Variants in OXR1 observed in about 807,000 individuals in gnomAD.
OXR1 encodes the protein oxidation resistance 1.
A neutral mutation model predicts 104.6 loss-of-function variants in OXR1; 41 were observed. That is an observed-to-expected ratio of 0.39 (90% confidence interval 0.31 to 0.51). The LOEUF is 0.51. OXR1 is among the 20% of genes least tolerant of loss of function. OXR1 has a pLI of 0.77. For synonymous variants in OXR1, 348 were observed against 348.4 expected, an observed-to-expected ratio of 1.00 and a Z score of 0.01; for missense variants, 955 against 1,031.9, an observed-to-expected ratio of 0.93 and a Z score of 1.02.
intron 2 of OXR1, among the ~76,000 whole-genome samples, chr8:106,377,115 T>C (rs1816938471): frequency 6.6e-6 from 1 of 152,194 alleles, no homozygotes; most frequent in Non-Finnish European, 1.5e-5. Flanking sequence ...AGTCAAATTA[T>C]TTTGGAAAAC....
chr8:106,595,775 G>A (rs1384456253), intron 3 of OXR1, among the ~76,000 whole-genome samples: 1 of 152,004 alleles, frequency 6.6e-6, no homozygotes, highest in African/African-American at 2.4e-5. Context: ...TTTGTGCCAG[G>A]TAAAACTCCT....
At chr8:106,451,760 A>G (rs1820325693) in intron 2 of OXR1, among the ~76,000 whole-genome samples, 1 of 152,232 alleles carries the variant, frequency 6.6e-6, no homozygotes, top group African/African-American at 2.4e-5. Flanking sequence ...AATTTGGTTC[A>G]ACATACATTT....
intron 3 of OXR1, among the ~76,000 whole-genome samples, chr8:106,535,112 G>A (rs1047019614): frequency 2.0e-4 from 30 of 152,124 alleles, no homozygotes; most frequent in African/African-American, 7.0e-4. Flanking sequence ...ACAGGCACCC[G>A]CCACCACACC....
rs1335489422 is a variant in OXR1 at position 106,751,743 on chromosome 8, C to G, written c.*802C>G. ...GCTTAGTAAGGCATTAACATAAGTA[C>G]AAAAACTATGAAACAGATGCATATT... is the stretch of plus-strand genomic sequence containing the variant. On this transcript the variant is annotated 3_prime_UTR_variant, in exon 17 of 17. Coordinates refer to ENST00000517566, the MANE Select transcript of OXR1 (RefSeq NM_001198533.2). 6.6e-6 allele frequency: 1 copy of G among 152,420 alleles called. No individual in the cohort carries two copies. Among genetic ancestry groups the G allele is most frequent in the Non-Finnish European group, 1.5e-5 (1 of 67,932 alleles). 9.4% of individuals were successfully genotyped at this position (152,420 alleles called of 1,614,324 possible).
intron 3 of OXR1, among the ~76,000 whole-genome samples, chr8:106,675,479 G>A (rs1030027945): frequency 7.2e-5 from 11 of 152,148 alleles, no homozygotes; most frequent in Non-Finnish European, 1.6e-4. Context: ...CTGTGTCCCA[G>A]AGATTCTGGT....
intron 2 of OXR1, among the ~76,000 whole-genome samples, chr8:106,510,528 A>C (rs532075365): frequency 6.6e-6 from 1 of 152,358 alleles, no homozygotes; most frequent in South Asian, 2.1e-4. Flanking sequence ...AGCATTTATT[A>C]AACTCTGAAG....
intron 4 of OXR1, among the ~76,000 whole-genome samples, chr8:106,680,485 C>T (rs978793484): frequency 1.1e-4 from 17 of 152,020 alleles, no homozygotes; most frequent in Non-Finnish European, 2.4e-4. Flanking sequence ...ATTTTCTCCT[C>T]CTTCCTCTAT....
At chr8:106,578,125 A>G (rs549564662) in intron 3 of OXR1, among the ~76,000 whole-genome samples, 1 of 152,310 alleles carries the variant, frequency 6.6e-6, no homozygotes, top group African/African-American at 2.4e-5. Flanking sequence ...AACATTTAGT[A>G]TAAGTATGTT....
chr8:106,593,935 T>TCTCA (rs1334945774), intron 3 of OXR1, among the ~76,000 whole-genome samples: 7 of 152,142 alleles, frequency 4.6e-5, no homozygotes, highest in South Asian at 2.1e-4. Flanking sequence ...AGCCACCATA[T>TCTCA]CTCAATTGCT....
intron 1 of OXR1, among the ~76,000 whole-genome samples, chr8:106,349,511 G>A (rs544572236): frequency 1.2e-4 from 18 of 152,138 alleles, no homozygotes; most frequent in African/African-American, 3.9e-4. Context: ...AAACAGAAAC[G>A]AAAACAACCT....
At chr8:106,477,498 A>G (rs1821871464) in intron 2 of OXR1, among the ~76,000 whole-genome samples, 2 of 152,130 alleles carry the variant, frequency 1.3e-5, no homozygotes, top group South Asian at 4.1e-4. Flanking sequence ...GGCTCTGTGT[A>G]GGGTCTTCAA....
At chr8:106,597,710 A>G (rs1298352025) in intron 3 of OXR1, among the ~76,000 whole-genome samples, 1 of 152,214 alleles carries the variant, frequency 6.6e-6, no homozygotes, top group East Asian at 1.9e-4. Flanking sequence ...GATGAAGCTT[A>G]CAGGTTTGCT....
intron 3 of OXR1, among the ~76,000 whole-genome samples, chr8:106,562,345 T>C (rs1055289649): frequency 6.6e-6 from 1 of 151,774 alleles, no homozygotes; most frequent in African/African-American, 2.4e-5. Context: ...AATAGCCAAA[T>C]TGATCAAGCT....
chr8:106,425,083 G>GT (rs748444311), intron 2 of OXR1, among the ~76,000 whole-genome samples: 2,485 of 83,688 alleles, frequency 0.03, 142 homozygotes, highest in Non-Finnish European at 0.038. Context: ...GTTTGGTTTG[G>GT]TTTTTTTTTT....
rs1587292928 is a variant in OXR1 at position 106,737,286 on chromosome 8, A to G, written c.1957-234A>G. ...AAGTTGAATCTATATGGAATAGTCC[A>G]TAAAATAAACCTTACATACCAACTA... On this transcript the variant is annotated intron_variant, in intron 11 of 16. Coordinates refer to ENST00000517566, the MANE Select transcript of OXR1 (RefSeq NM_001198533.2). Among the ~76,000 whole-genome samples the G allele has an allele frequency of 2.0e-5, 3 of 152,286 alleles. No individual in the cohort carries two copies. In the South Asian group the frequency reaches 6.2e-4, roughly 32 times the overall value.
chr8:106,671,044 C>CAAAAAAAAAAAAAAAAAAAAAAAAAAAAA (rs60404483), intron 3 of OXR1, among the ~76,000 whole-genome samples: 4 of 48,926 alleles, frequency 8.2e-5, no homozygotes, highest in African/African-American at 2.5e-4. Flanking sequence ...GACTCTGTCT[C>CAAAAAAAAAAAAAAAAAAAAAAAAAAAAA]AAAAAAAAAA....
chr8:106,339,508 AAAAAAAAAAAAATATATAT>A (rs1244255060), intron 1 of OXR1, among the ~76,000 whole-genome samples: 5 of 48,132 alleles, frequency 1.0e-4, no homozygotes, highest in Non-Finnish European at 1.6e-4. Flanking sequence ...AAAAAAAAAA[AAAAAAAAAAAAATATATAT>A]ATATATATAT....
intron 11 of OXR1, among the ~76,000 whole-genome samples, chr8:106,730,750 T>G (rs1453010036): frequency 6.6e-6 from 1 of 152,104 alleles, no homozygotes; most frequent in East Asian, 1.9e-4. Context: ...GTAACATGAT[T>G]ACTGTATCCT....
intron 1 of OXR1, among the ~76,000 whole-genome samples, chr8:106,273,244 G>GA (rs34496444): frequency 0.047 from 6,017 of 129,358 alleles, 367 homozygotes; most frequent in African/African-American, 0.15. Context: ...TCATTACAAA[G>GA]AAAAAAAAAA....
Sources: allele counts gnomAD v4.1 joint callset (sites outside exome capture counted in the v4.1 genomes callset), GRCh38; gene constraint gnomAD v4.1.1; transcripts MANE v1.5; gene names NCBI Gene and HGNC (gene_info 2026-07-23, HGNC 2026-07-21).